The following FNDC3B variants were observed in gnomAD, a reference collection of about 807,000 sequenced individuals.
FNDC3B encodes the protein fibronectin type III domain-containing protein 3B.
Under a neutral mutation model 151.5 loss-of-function variants are expected in FNDC3B, and 12 were observed. The ratio of observed to expected loss-of-function variants is 0.08; its 90% confidence interval spans 0.05 to 0.13. FNDC3B has a LOEUF of 0.13. FNDC3B is among the 10% of genes least tolerant of loss of function. The pLI, the probability that FNDC3B is intolerant of heterozygous loss-of-function variation, is 1.00. For missense variants in FNDC3B, 1,214 were observed against 1,505.3 expected, an observed-to-expected ratio of 0.81 and a Z score of 3.20; for synonymous variants, 528 against 549.0, an observed-to-expected ratio of 0.96 and a Z score of 0.54.
chr3:172,120,567 T>TC (rs542356491), intron 2 of FNDC3B, among the ~76,000 whole-genome samples: 1 of 149,632 alleles, frequency 6.7e-6, no homozygotes, highest in African/African-American at 2.5e-5. Flanking sequence ...CATACAGGCA[T>TC]GGGGGGGGGT....
At position 172,295,552 on chromosome 3, in the gene FNDC3B, C is replaced by T; in HGVS notation, c.1001+38C>T. The T allele has an allele frequency of 2.5e-6, 4 of 1,585,470 alleles. No homozygotes were observed. The East Asian group carries it at 9.0e-5, about 36-fold the overall frequency. On this transcript the variant is annotated intron_variant, in intron 8 of 25. Transcript: ENST00000415807. ...TCTATTGTTTTTCTTTGCTGCTAAA[C>T]TGTAAAATTGGAGTTGTGAAGGAAA... is the stretch of plus-strand genomic sequence containing the variant.
chr3:172,332,662 CCT>C (rs1732738857), intron 13 of FNDC3B, among the ~76,000 whole-genome samples: 1 of 152,106 alleles, frequency 6.6e-6, no homozygotes, highest in Non-Finnish European at 1.5e-5. Flanking sequence ...AGGATTGTGC[CCT>C]TTCCCATCTA....
chr3:172,350,150 A>G (rs1733792418), intron 21 of FNDC3B, among the ~76,000 whole-genome samples: 1 of 152,236 alleles, frequency 6.6e-6, no homozygotes, highest in Non-Finnish European at 1.5e-5. Flanking sequence ...TAATTTTCCC[A>G]GTGGGAAGGA....
chr3:172,369,911 C>G (rs954913217), intron 23 of FNDC3B, among the ~76,000 whole-genome samples: 2 of 151,410 alleles, frequency 1.3e-5, no homozygotes, highest in African/African-American at 4.9e-5. Flanking sequence ...CTCTCTTTCT[C>G]TCTCTCATTC....
At chr3:172,147,751 T>A (rs554539550) in intron 3 of FNDC3B, among the ~76,000 whole-genome samples, 2 of 152,158 alleles carry the variant, frequency 1.3e-5, no homozygotes, top group East Asian at 3.9e-4. Context: ...GGTTCAGGAG[T>A]TCTGAGACTC....
intron 3 of FNDC3B, among the ~76,000 whole-genome samples, chr3:172,190,924 C>T (rs1384403782): frequency 6.6e-6 from 1 of 152,208 alleles, no homozygotes; most frequent in East Asian, 1.9e-4. Context: ...CTGCCTTGGC[C>T]TGCCAAAGTG....
At chr3:172,213,285 AG>A in intron 3 of FNDC3B, among the ~76,000 whole-genome samples, 1 of 152,326 alleles carries the variant, frequency 6.6e-6, no homozygotes, top group East Asian at 1.9e-4. Context: ...TGTGATCCCT[AG>A]ACAAGTATGA....
At chr3:172,151,746 G>A (rs1054247677) in intron 3 of FNDC3B, among the ~76,000 whole-genome samples, 4 of 152,196 alleles carry the variant, frequency 2.6e-5, no homozygotes, top group African/African-American at 9.7e-5. Context: ...GTTGTGGATA[G>A]GTTCTTGGAA....
chr3:172,102,558 C>A (rs569784468), intron 1 of FNDC3B, among the ~76,000 whole-genome samples: 176 of 152,266 alleles, frequency 1.2e-3, no homozygotes, highest in African/African-American at 4.0e-3. Flanking sequence ...CTTAAGCAGC[C>A]ATATCATTCA....
At chr3:172,101,843 G>A (rs1242417181) in intron 1 of FNDC3B, among the ~76,000 whole-genome samples, 3 of 152,204 alleles carry the variant, frequency 2.0e-5, no homozygotes, top group South Asian at 2.1e-4. Flanking sequence ...CTAAATGGTA[G>A]TATAATGGAT....
At chr3:172,255,923 G>T (rs1191885639) in intron 6 of FNDC3B, among the ~76,000 whole-genome samples, 2 of 152,092 alleles carry the variant, frequency 1.3e-5, no homozygotes, top group African/African-American at 4.8e-5. Flanking sequence ...GATTTTCTTT[G>T]CTCCCTCTGA....
chr3:172,057,603 T>G (rs1560386401), intron 1 of FNDC3B, among the ~76,000 whole-genome samples: 1 of 151,864 alleles, frequency 6.6e-6, no homozygotes, highest in Non-Finnish European at 1.5e-5. Context: ...GAAAGGATAA[T>G]AGGGATCGAA....
intron 3 of FNDC3B, among the ~76,000 whole-genome samples, chr3:172,170,032 C>G (rs2108633176): frequency 6.7e-6 from 1 of 148,336 alleles, no homozygotes; most frequent in African/African-American, 2.4e-5. Flanking sequence ...TAGTGGAGCT[C>G]CTAACATTCC....
At chr3:172,331,268 T>C (rs1473612768) in intron 13 of FNDC3B, among the ~76,000 whole-genome samples, 1 of 152,166 alleles carries the variant, frequency 6.6e-6, no homozygotes, top group East Asian at 1.9e-4. Flanking sequence ...GCTCTTACAA[T>C]GCCCACAAGG....
At chr3:172,329,489 T>C (rs1732525236) in intron 12 of FNDC3B, 1 of 158,634 alleles carries the variant, frequency 6.3e-6, no homozygotes, top group Non-Finnish European at 1.4e-5. Flanking sequence ...GCCATTGTTG[T>C]CAAGCCCAGG....
At position 172,399,024 on chromosome 3, in the gene FNDC3B, C is replaced by T. The variant is rs1736428471; in HGVS notation, c.*1549C>T. The T allele has an allele frequency of 6.6e-6, 1 of 152,568 alleles. No individual in the cohort carries two copies. Among genetic ancestry groups the T allele is most frequent in the Admixed American group, 6.5e-5 (1 of 15,288 alleles). The allele number at this position is 152,568 out of a possible 1,614,324, so 9.5% of individuals were successfully genotyped here. The stretch of plus-strand genomic sequence containing the variant: ...CTTCTGTTTTTGTATATTTTTGCTA[C>T]TTGGTTTTTCTTGATCATAGCTATT... On this transcript the variant is annotated 3_prime_UTR_variant, in exon 26 of 26. Coordinates refer to ENST00000415807, the MANE Select transcript of FNDC3B (RefSeq NM_022763.4).
intron 1 of FNDC3B, among the ~76,000 whole-genome samples, chr3:172,093,847 A>C (rs1225984158): frequency 6.6e-6 from 1 of 152,250 alleles, no homozygotes; most frequent in African/African-American, 2.4e-5. Flanking sequence ...GCCTCCCTTC[A>C]GAGATTCTGG....
intron 6 of FNDC3B, among the ~76,000 whole-genome samples, chr3:172,275,436 G>T (rs974007860): frequency 6.6e-6 from 1 of 152,122 alleles, no homozygotes; most frequent in Non-Finnish European, 1.5e-5. Flanking sequence ...TACAGAAACC[G>T]AATAAGTTCC....
At chr3:172,303,305 G>C (rs1254533700) in intron 9 of FNDC3B, among the ~76,000 whole-genome samples, 2 of 152,060 alleles carry the variant, frequency 1.3e-5, no homozygotes. Context: ...CTAGTCATCC[G>C]CCTAAACAAT....
Sources: allele counts gnomAD v4.1 joint callset (sites outside exome capture counted in the v4.1 genomes callset), GRCh38; gene constraint gnomAD v4.1.1; transcripts MANE v1.5; gene names NCBI Gene and HGNC (gene_info 2026-07-23, HGNC 2026-07-21).